ACAT1: variants seen among roughly 807,000 people sequenced by gnomAD.
ACAT1 encodes acetyl-CoA acetyltransferase, mitochondrial.
Under a neutral mutation model 47.3 loss-of-function variants are expected in ACAT1, and 28 were observed. The observed-to-expected ratio is 0.59, with a 90% CI of 0.44 to 0.81. ACAT1 has a LOEUF of 0.81. ACAT1 is among the 30% of genes least tolerant of loss of function. ACAT1 has a pLI of 0.00. For missense variants in ACAT1, 469 were observed against 524.3 expected (o/e 0.89, Z 1.03); for synonymous variants, 181 against 173.6 (o/e 1.04, Z -0.34).
intron 1 of ACAT1, among the ~76,000 whole-genome samples, chr11:108,125,273 G>A (rs2077226890): frequency 6.6e-6 from 1 of 152,172 alleles, no homozygotes. Flanking sequence ...AAAGATAATT[G>A]TGTTATGTAG....
intron 1 of ACAT1, among the ~76,000 whole-genome samples, chr11:108,124,743 C>T (rs974207662): frequency 2.0e-5 from 3 of 152,184 alleles, no homozygotes; most frequent in Admixed American, 1.3e-4. Flanking sequence ...CAGCTGCTGC[C>T]GTGCTCACTC....
At chr11:108,136,122 G>A (rs1421962699) in intron 5 of ACAT1, 1 of 694,530 alleles carries the variant, frequency 1.4e-6, no homozygotes, top group East Asian at 2.6e-5. Context: ...GTCAGGAGGT[G>A]AGACCTGGAC....
intron 1 of ACAT1, among the ~76,000 whole-genome samples, chr11:108,124,862 T>C (rs1226648558): frequency 6.6e-6 from 1 of 152,198 alleles, no homozygotes; most frequent in Non-Finnish European, 1.5e-5. Flanking sequence ...GTTCTTTTCC[T>C]GGATCTTTCC....
At chr11:108,145,286 A>G (rs2077681775) in intron 10 of ACAT1, among the ~76,000 whole-genome samples, 1 of 152,258 alleles carries the variant, frequency 6.6e-6, no homozygotes, top group Non-Finnish European at 1.5e-5. Context: ...TCTGTGGCCC[A>G]GATAACCCTA....
At chr11:108,140,330 AAAAGTG>A in intron 7 of ACAT1, 115 bp downstream of exon 7, 1 of 1,264,014 alleles carries the variant, frequency 7.9e-7, no homozygotes, top group South Asian at 1.2e-5. Context: ...ATGGTTAATA[AAAAGTG>A]AAGAGTTGCC....
Position 108,121,583 on chromosome 11 carries a change from G to T in ACAT1, c.-24G>T. ...GAGGCCGCTAGTCTACGCCTGTGGA[G>T]CCGATACTCAGCCCTCTGCGACCAT... On this transcript the variant is annotated 5_prime_UTR_variant, in exon 1 of 12. Transcript: ENST00000265838. The T allele has an allele frequency of 6.5e-7, 1 of 1,549,656 alleles. No individual in the cohort carries two copies. The highest frequency in any genetic ancestry group is 8.7e-7 in the Non-Finnish European group (1 of 1,146,418).
chr11:108,118,308 C>T (rs187930235), upstream of ACAT1, among the ~76,000 whole-genome samples: 13 of 152,050 alleles, frequency 8.5e-5, no homozygotes, highest in East Asian at 1.9e-3. Flanking sequence ...ATAATTCTCT[C>T]TTAATTGTAT....
chr11:108,132,074 A>T (rs541510391), intron 2 of ACAT1, 120 bp downstream of exon 2: 4 of 598,894 alleles, frequency 6.7e-6, no homozygotes, highest in Admixed American at 2.3e-5. Flanking sequence ...AACAGTTAGG[A>T]ATAGCTAACT....
intron 1 of ACAT1, among the ~76,000 whole-genome samples, chr11:108,126,498 C>T (rs544709537): frequency 2.6e-5 from 4 of 152,144 alleles, no homozygotes; most frequent in Non-Finnish European, 4.4e-5. Context: ...CAATGAAAAG[C>T]TGTTAAATTA....
chr11:108,146,394 G>A, intron 11 of ACAT1, 35 bp downstream of exon 11: 3 of 1,608,682 alleles, frequency 1.9e-6, no homozygotes, highest in Non-Finnish European at 2.6e-6. Flanking sequence ...TAGGTTAAGA[G>A]CTGCCTTTGT....
upstream of ACAT1, among the ~76,000 whole-genome samples, chr11:108,119,999 G>A (rs1206438838): frequency 6.6e-6 from 1 of 152,030 alleles, no homozygotes; most frequent in Non-Finnish European, 1.5e-5. Context: ...GGCGGATTGC[G>A]TGAGCTCAGG....
intron 10 of ACAT1, 122 bp downstream of exon 10, chr11:108,144,169 T>G: frequency 9.6e-7 from 1 of 1,045,324 alleles, no homozygotes; most frequent in South Asian, 1.3e-5. Flanking sequence ...TGGTTTCAAA[T>G]CTTCCCATGT....
chr11:108,139,171 G>A (rs2077531697), intron 6 of ACAT1, 130 bp downstream of exon 6: 2 of 1,285,986 alleles, frequency 1.6e-6, no homozygotes, highest in Non-Finnish European at 2.2e-6. Flanking sequence ...GTGTACTTTT[G>A]GAGAATATTT....
chr11:108,132,842 A>T (rs1345667832), intron 2 of ACAT1, among the ~76,000 whole-genome samples: 1 of 140,822 alleles, frequency 7.1e-6, no homozygotes, highest in Non-Finnish European at 1.5e-5. Flanking sequence ...CAACAGAGCA[A>T]AACTCCATCT....
intron 10 of ACAT1, among the ~76,000 whole-genome samples, chr11:108,144,870 C>T (rs965068606): frequency 6.6e-6 from 1 of 152,092 alleles, no homozygotes; most frequent in Non-Finnish European, 1.5e-5. Context: ...GGGTAATAAA[C>T]AATTCTGGAT....
chr11:108,121,200 C>CAA (rs10561331), upstream of ACAT1: 38 of 252,146 alleles, frequency 1.5e-4, no homozygotes, highest in Non-Finnish European at 2.1e-4. Context: ...GACCTTGTCT[C>CAA]AAAAAAAAAA....
intron 10 of ACAT1, 155 bp from the exon 11 acceptor site, chr11:108,146,047 A>G: frequency 1.4e-6 from 1 of 722,794 alleles, no homozygotes; most frequent in Non-Finnish European, 2.3e-6. Flanking sequence ...ACTGTTGGAA[A>G]AAAAAAAAAT....
At chr11:108,136,002 A>C (rs2077460852) in intron 5 of ACAT1, 1 of 537,828 alleles carries the variant, frequency 1.9e-6, no homozygotes, top group African/African-American at 2.0e-5. Context: ...ACTAATTTGT[A>C]GTCATTAAGT....
At chr11:108,120,903 A>G (rs2077137073), upstream of ACAT1, among the ~76,000 whole-genome samples, 1 of 152,026 alleles carries the variant, frequency 6.6e-6, no homozygotes, top group Non-Finnish European at 1.5e-5. Flanking sequence ...TACAAAAAAA[A>G]AAAAATACAA....
Sources: gnomAD v4.1 joint callset for allele counts (sites outside exome capture counted in the v4.1 genomes callset) on GRCh38, gnomAD v4.1.1 for gene constraint, MANE v1.5 for transcripts, NCBI Gene and HGNC (gene_info 2026-07-23, HGNC 2026-07-21) for gene names.